The following SDK2 variants were observed in gnomAD, a reference collection of about 807,000 sequenced individuals.
SDK2 encodes the protein protein sidekick-2.
SDK2 carries 105 observed loss-of-function variants against 253.9 expected under a neutral mutation model. The observed-to-expected ratio is 0.41, with a 90% CI of 0.35 to 0.49. SDK2 has a LOEUF of 0.49. Ranked by LOEUF, SDK2 falls within the 20% of genes least tolerant of loss-of-function variation. The pLI is 0.06. For synonymous variants in SDK2, 1,249 were observed against 1,234.9 expected (o/e 1.01, Z -0.24); for missense variants, 2,608 against 3,003.0 (o/e 0.87, Z 3.07).
At chr17:73,613,616 C>G (rs1476086384) in intron 1 of SDK2, among the ~76,000 whole-genome samples, 1 of 147,982 alleles carries the variant, frequency 6.8e-6, no homozygotes, top group East Asian at 2.1e-4. Flanking sequence ...CAGCCCCCTC[C>G]CCCTACATAT....
In SDK2 at chr17:73,379,423, G is replaced by C. The variant is rs1321630513; in HGVS notation, c.4864+25C>G. The C allele has an allele frequency of 2.6e-6, 4 of 1,566,864 alleles. No homozygotes were observed. Among genetic ancestry groups the C allele is most frequent in the Non-Finnish European group, 3.5e-6 (4 of 1,146,852 alleles). On this transcript the variant is annotated intron_variant, in intron 35 of 44. Transcript: ENST00000392650. The surrounding 1 kb of genome is among the most constrained non-coding windows in gnomAD (Gnocchi z 4.5). ...GTGGGGCTGGGAAAGGCATGCTGGG[G>C]CCGGACAGGGCGGGCGCTGCTCACC... is the stretch of plus-strand genomic sequence containing the variant.
chr17:73,625,203 G>C (rs1362191984), intron 1 of SDK2, among the ~76,000 whole-genome samples: 2 of 152,190 alleles, frequency 1.3e-5, no homozygotes, highest in African/African-American at 4.8e-5. Flanking sequence ...GGCAGGACCA[G>C]ACAAGCAGGC....
chr17:73,485,029 C>G (rs1455768091), intron 2 of SDK2, among the ~76,000 whole-genome samples: 1 of 152,182 alleles, frequency 6.6e-6, no homozygotes, highest in Non-Finnish European at 1.5e-5. Flanking sequence ...TCAGCTGAAC[C>G]AATTACCTCT....
intron 18 of SDK2, among the ~76,000 whole-genome samples, chr17:73,407,728 T>C (rs865989672): frequency 1.1e-4 from 16 of 152,112 alleles, no homozygotes; most frequent in Non-Finnish European, 1.0e-4. Context: ...TGATACACCA[T>C]GCCCGGCCAG....
At chr17:73,566,142 G>A (rs1480752031) in intron 1 of SDK2, among the ~76,000 whole-genome samples, 1 of 152,090 alleles carries the variant, frequency 6.6e-6, no homozygotes, top group Admixed American at 6.6e-5. Flanking sequence ...GTTTAAAAGA[G>A]CCTGGCACCT....
At chr17:73,531,772 T>TG (rs1599653881) in intron 1 of SDK2, among the ~76,000 whole-genome samples, 1 of 152,132 alleles carries the variant, frequency 6.6e-6, no homozygotes, top group African/African-American at 2.4e-5. Flanking sequence ...ACCAGAGACA[T>TG]GGTGGAAATT....
Position 73,352,359 on chromosome 17 carries a change from T to C in SDK2, c.5758+114A>G. 7.5e-7 allele frequency: 1 copy of C among 1,330,314 alleles called. No homozygotes were observed. 82.4% of individuals were successfully genotyped at this position (1,330,314 alleles called of 1,614,324 possible). A position where few individuals can be genotyped will look rare whatever the true frequency, so the allele number is the denominator to read the frequency against. On this transcript the variant is annotated intron_variant, in intron 41 of 44. Coordinates refer to ENST00000392650, the MANE Select transcript of SDK2 (RefSeq NM_001144952.2). This position sits in a 1 kb window ranked among gnomAD's most constrained non-coding sequence, Gnocchi z 4.1. ...GCCCCGAGGGGACAATGTGTTTTTG[T>C]TCCCGCCCCATGCTCCTGGTGCCCT...
chr17:73,587,157 C>T (rs576302041), intron 1 of SDK2, among the ~76,000 whole-genome samples: 12 of 152,214 alleles, frequency 7.9e-5, no homozygotes, highest in Admixed American at 2.0e-4. Context: ...GGCTTCAACT[C>T]AAATTCCATG....
chr17:73,398,873 G>T (rs1471484328), intron 22 of SDK2, among the ~76,000 whole-genome samples: 1 of 152,140 alleles, frequency 6.6e-6, no homozygotes, highest in Admixed American at 6.5e-5. Context: ...ACGCTCCCCT[G>T]ATGATTCCAG....
rs570731428 is a variant in SDK2, at chr17:73,419,258, G to A, written c.2094C>T (p.Ile698=). ...EPPTAPPQNV[I]ASGRTNQSIM... ...TGGACTGGTTGGTTCGACCGCTGGC[G>A]ATGACGTTCTGTGGAGGGGCCGTGG... Residue 698 remains isoleucine (I), a synonymous_variant, in exon 16 of 45, where the codon ATC becomes ATT. Coordinates refer to ENST00000392650, the MANE Select transcript of SDK2 (RefSeq NM_001144952.2). 8.7e-6 allele frequency: 14 copies of A among 1,612,842 alleles called. No individual in the cohort carries two copies. The highest frequency in any genetic ancestry group is 6.7e-5 in the Admixed American group (4 of 59,876).
At chr17:73,601,661 G>A (rs760876444) in intron 1 of SDK2, among the ~76,000 whole-genome samples, 1 of 152,086 alleles carries the variant, frequency 6.6e-6, no homozygotes, top group Non-Finnish European at 1.5e-5. Context: ...AGACGGTCCC[G>A]GGACAAGCTC....
intron 10 of SDK2, among the ~76,000 whole-genome samples, chr17:73,432,682 G>A (rs2063335100): frequency 6.6e-6 from 1 of 150,704 alleles, no homozygotes; most frequent in South Asian, 2.1e-4. Context: ...TGGAGGGGAG[G>A]GCTGGGGGCT....
Position 73,465,562 on chromosome 17 carries a change from A to G in SDK2, c.331+6550T>C, listed in dbSNP as rs1384884431. Among the ~76,000 whole-genome samples the G allele has an allele frequency of 2.6e-5, 4 of 152,174 alleles. No individual in the cohort carries two copies. Among genetic ancestry groups the G allele is most frequent in the Non-Finnish European group, 5.9e-5 (4 of 68,036 alleles). The stretch of plus-strand genomic sequence containing the variant: ...ATGCTGGAAATTTATGGTGACTTAA[A>G]AAAACACAAAGAAGAGACTCCAAGT... On this transcript the variant is annotated intron_variant, in intron 3 of 44. Transcript: ENST00000392650. This position sits in a 1 kb window ranked among gnomAD's most constrained non-coding sequence, Gnocchi z 4.2.
At chr17:73,339,347 C>T (rs1282228838) in intron 44 of SDK2, among the ~76,000 whole-genome samples, 2 of 151,782 alleles carry the variant, frequency 1.3e-5, no homozygotes, top group Non-Finnish European at 2.9e-5. Context: ...CTGCCTCAGC[C>T]TCCTGAGTAG....
At chr17:73,522,644 T>A (rs932298237) in intron 1 of SDK2, among the ~76,000 whole-genome samples, 8 of 151,856 alleles carry the variant, frequency 5.3e-5, no homozygotes, top group African/African-American at 1.9e-4. Flanking sequence ...TCCAGGGAGG[T>A]CAGCAGCTCC....
intron 34 of SDK2, among the ~76,000 whole-genome samples, chr17:73,380,243 G>C (rs2062819480): frequency 6.6e-6 from 1 of 152,136 alleles, no homozygotes; most frequent in Non-Finnish European, 1.5e-5. Context: ...CCCTTGCCTA[G>C]CTGTCTATGC....
chr17:73,362,095 C>T (rs1183059702), intron 38 of SDK2, among the ~76,000 whole-genome samples: 2 of 152,226 alleles, frequency 1.3e-5, no homozygotes, highest in South Asian at 2.1e-4. Flanking sequence ...GGAAAAGCTA[C>T]TACTGTCTGT....
chr17:73,487,938 GA>G (rs2063779847), intron 2 of SDK2, among the ~76,000 whole-genome samples: 1 of 152,188 alleles, frequency 6.6e-6, no homozygotes, highest in African/African-American at 2.4e-5. Context: ...GTCACTCACT[GA>G]GCACGTGACC....
At chr17:73,377,737 C>T (rs965197262) in intron 36 of SDK2, among the ~76,000 whole-genome samples, 1 of 151,274 alleles carries the variant, frequency 6.6e-6, no homozygotes, top group Admixed American at 6.6e-5. Flanking sequence ...CTCAGCCTCC[C>T]GAGTAGCTGG....
Sources: allele counts gnomAD v4.1 joint callset (sites outside exome capture counted in the v4.1 genomes callset), GRCh38; gene constraint gnomAD v4.1.1; non-coding constraint Gnocchi (gnomAD v3.1); transcripts MANE v1.5; gene names NCBI Gene and HGNC (gene_info 2026-07-23, HGNC 2026-07-21).